WASF3: variants seen among roughly 807,000 people sequenced by gnomAD.
WASF3 encodes the protein WASP family member 3, also known as actin-binding protein WASF3.
Under a neutral mutation model 46.6 loss-of-function variants are expected in WASF3, and 11 were observed. That is an observed-to-expected ratio of 0.24 (90% CI 0.15 to 0.39). The LOEUF (loss-of-function observed/expected upper bound fraction) is 0.39. Ranked by LOEUF, WASF3 falls within the 10% of genes least tolerant of loss-of-function variation. The probability of loss-of-function intolerance (pLI) is 1.00; values close to 1 mark genes in which losing one functional copy is unlikely to be tolerated. For synonymous variants in WASF3, 242 were observed against 259.7 expected (o/e 0.93, Z 0.65); for missense variants, 576 against 669.8 (o/e 0.86, Z 1.55).
the WASF3 span, among the ~76,000 whole-genome samples, chr13:26,543,427 T>C: frequency 6.6e-6 from 1 of 152,196 alleles, no homozygotes; most frequent in Non-Finnish European, 1.5e-5. Context: ...ATTTCTAGAA[T>C]ACAATAGACT....
intron 3 of WASF3, among the ~76,000 whole-genome samples, chr13:26,655,992 G>GTA (rs1407030046): frequency 6.6e-6 from 1 of 152,052 alleles, no homozygotes; most frequent in Non-Finnish European, 1.5e-5. Context: ...TCCTTTTAGT[G>GTA]GAGTACAAAA....
chr13:26,612,073 A>G (rs559956779), intron 1 of WASF3, among the ~76,000 whole-genome samples: 8 of 152,084 alleles, frequency 5.3e-5, no homozygotes, highest in East Asian at 3.9e-4. Flanking sequence ...ACCCCGCCCC[A>G]CTTCTGGGCC....
At position 26,686,952 on chromosome 13, in the gene WASF3, T is replaced by G. The variant is rs1374421080; in HGVS notation, c.*1107T>G. 6.6e-6 allele frequency: 1 copy of G among 152,306 alleles called. No homozygotes were observed. Among genetic ancestry groups the G allele is most frequent in the African/African-American group, 2.4e-5 (1 of 41,476 alleles). The allele number at this position is 152,306 out of a possible 1,614,324, so 9.4% of individuals were successfully genotyped here. On this transcript the variant is annotated 3_prime_UTR_variant, in exon 10 of 10. Transcript: ENST00000335327. Reference sequence around the variant, plus strand: ...AGGGATCACTCCCGTGAGGAGGGCCTTCACCCTGTTCTAGAAGCACATGGT... The same window carrying G: ...AGGGATCACTCCCGTGAGGAGGGCCGTCACCCTGTTCTAGAAGCACATGGT...
chr13:26,669,325 C>A (rs1037372492), intron 5 of WASF3, among the ~76,000 whole-genome samples: 2 of 127,536 alleles, frequency 1.6e-5, no homozygotes, highest in African/African-American at 6.5e-5. Flanking sequence ...GATTCTCCTG[C>A]CTCAGCCTCC....
chr13:26,564,566 C>G (rs1248850434), intron 1 of WASF3, among the ~76,000 whole-genome samples: 2 of 152,186 alleles, frequency 1.3e-5, no homozygotes, highest in South Asian at 2.1e-4. Flanking sequence ...ATAGCATCCT[C>G]TCATTGAGAG....
intron 2 of WASF3, among the ~76,000 whole-genome samples, chr13:26,618,554 C>T (rs1054687971): frequency 1.4e-5 from 2 of 147,302 alleles, no homozygotes; most frequent in African/African-American, 5.0e-5. Flanking sequence ...AAATGGCATA[C>T]TGTAATTATG....
intron 3 of WASF3, among the ~76,000 whole-genome samples, chr13:26,646,169 T>C (rs1342745048): frequency 1.3e-5 from 2 of 152,250 alleles, no homozygotes; most frequent in African/African-American, 4.8e-5. Flanking sequence ...GTCAATGTTT[T>C]GCATGAATCT....
At chr13:26,569,778 A>G (rs147188641) in intron 1 of WASF3, among the ~76,000 whole-genome samples, 2,855 of 152,334 alleles carry the variant, frequency 0.019, 52 homozygotes, top group African/African-American at 0.05. Flanking sequence ...TATTGAAAAG[A>G]TTGATGATAT....
At chr13:26,667,772 C>T (rs1383290445) in intron 5 of WASF3, 102 bp downstream of exon 5, 2 of 1,169,570 alleles carry the variant, frequency 1.7e-6, no homozygotes, top group Non-Finnish European at 2.4e-6. Flanking sequence ...CTTGATGGTT[C>T]ATCTGGGTTA....
chr13:26,656,485 A>G (rs944786182), intron 3 of WASF3, among the ~76,000 whole-genome samples: 1 of 152,300 alleles, frequency 6.6e-6, no homozygotes, highest in East Asian at 1.9e-4. Context: ...AAAAAATAAC[A>G]TATAATTTCA....
intron 3 of WASF3, among the ~76,000 whole-genome samples, chr13:26,642,934 T>G (rs914822566): frequency 1.3e-5 from 2 of 152,202 alleles, no homozygotes; most frequent in African/African-American, 4.8e-5. Flanking sequence ...CAGATACTGA[T>G]TTCTGCATTG....
rs948442105 is a variant in WASF3, at chr13:26,577,706, A to G, written c.-109+19887A>G. On this transcript the variant is annotated intron_variant, in intron 1 of 9. Coordinates refer to ENST00000335327, the MANE Select transcript of WASF3 (RefSeq NM_006646.6). The stretch of plus-strand genomic sequence containing the variant: ...TTCAGACTTATAATAATGGCAAGTA[A>G]AAAGTCCTATTTGTGGAAAAAAAAA... 4 of 825,594 alleles carry G rather than the reference A, an allele frequency of 4.8e-6. No homozygotes were observed. The Admixed American group carries it at 9.0e-5, about 18-fold the overall frequency. 51.1% of individuals were successfully genotyped at this position (825,594 alleles called of 1,614,324 possible). A position where few individuals can be genotyped will look rare whatever the true frequency, so the allele number is the denominator to read the frequency against.
intron 1 of WASF3, among the ~76,000 whole-genome samples, chr13:26,568,803 A>T (rs993231252): frequency 6.6e-6 from 1 of 152,194 alleles, no homozygotes; most frequent in African/African-American, 2.4e-5. Flanking sequence ...AGGACTGTAG[A>T]AAAGTCTCAG....
intron 2 of WASF3, chr13:26,626,192 G>T (rs149916425): frequency 6.6e-6 from 1 of 152,260 alleles, no homozygotes; most frequent in Non-Finnish European, 1.5e-5. Context: ...TATAGCCAAG[G>T]ATCAGTGAGA....
At chr13:26,542,244 A>C in the WASF3 span, among the ~76,000 whole-genome samples, 1 of 152,194 alleles carries the variant, frequency 6.6e-6, no homozygotes, top group African/African-American at 2.4e-5. Context: ...TCCACCCTTC[A>C]CACCTTTGTT....
intron 1 of WASF3, among the ~76,000 whole-genome samples, chr13:26,606,360 G>GTGTGTGTGTGTGTC (rs1880799358): frequency 7.2e-6 from 1 of 139,646 alleles, no homozygotes; most frequent in Non-Finnish European, 1.6e-5. Flanking sequence ...GTGTGTGTGT[G>GTGTGTGTGTGTGTC]TGTGTCTGTG....
intron 1 of WASF3, among the ~76,000 whole-genome samples, chr13:26,575,127 T>C (rs988907667): frequency 6.6e-6 from 1 of 152,286 alleles, no homozygotes; most frequent in South Asian, 2.1e-4. Context: ...TGAGCCACCG[T>C]GCTTGGCCAA....
intron 1 of WASF3, among the ~76,000 whole-genome samples, chr13:26,558,433 A>T (rs887374546): frequency 7.5e-5 from 11 of 147,130 alleles, no homozygotes; most frequent in Non-Finnish European, 1.5e-4. Flanking sequence ...CTTGGAGTGC[A>T]GGGGAGGAGG....
intron 1 of WASF3, among the ~76,000 whole-genome samples, chr13:26,601,118 A>T (rs1294408135): frequency 6.6e-6 from 1 of 152,210 alleles, no homozygotes; most frequent in Non-Finnish European, 1.5e-5. Flanking sequence ...TTACTTTTGT[A>T]TTAAGATTTG....
Sources: allele counts gnomAD v4.1 joint callset (sites outside exome capture counted in the v4.1 genomes callset), GRCh38; gene constraint gnomAD v4.1.1; transcripts MANE v1.5; gene names NCBI Gene and HGNC (gene_info 2026-07-23, HGNC 2026-07-21).